Variants in PAPPA2 observed in about 807,000 individuals in gnomAD.
PAPPA2 encodes pappalysin 2, also known as pappalysin-2.
A neutral mutation model predicts 176.4 loss-of-function variants in PAPPA2; 86 were observed. That is an observed-to-expected ratio of 0.49 (90% CI 0.41 to 0.58). The LOEUF (loss-of-function observed/expected upper bound fraction) is 0.58, where lower values mean the gene tolerates loss of function less well. Among genes scored for constraint, PAPPA2 ranks in the 20% least tolerant of loss-of-function variants. The pLI is 0.00. For synonymous variants in PAPPA2, 809 were observed against 852.2 expected, an observed-to-expected ratio of 0.95 and a Z score of 0.88; for missense variants, 2,073 against 2,256.9, an observed-to-expected ratio of 0.92 and a Z score of 1.65.
chr1:176,600,436 G>C (rs868620211), intron 3 of PAPPA2, among the ~76,000 whole-genome samples: 12 of 152,016 alleles, frequency 7.9e-5, no homozygotes, highest in African/African-American at 2.9e-4. Flanking sequence ...CAGCACTTTG[G>C]GAGGCCGAGG....
chr1:176,610,028 T>C (rs1216907573), intron 3 of PAPPA2, among the ~76,000 whole-genome samples: 1 of 152,146 alleles, frequency 6.6e-6, no homozygotes, highest in Non-Finnish European at 1.5e-5. Context: ...GGATTCATCA[T>C]GAGGCAGAAA....
chr1:176,788,686 C>A (rs7516457), intron 17 of PAPPA2, among the ~76,000 whole-genome samples: 10,249 of 152,172 alleles, frequency 0.067, 473 homozygotes, highest in South Asian at 0.14. Flanking sequence ...CAAATGCTGT[C>A]ACTCTGGTTG....
chr1:176,709,948 A>G, intron 10 of PAPPA2, 35 bp from the exon 11 acceptor site: 1 of 1,546,086 alleles, frequency 6.5e-7, no homozygotes, highest in African/African-American at 1.4e-5. Flanking sequence ...ATTTATGAAA[A>G]CACTTTTTCT....
At chr1:176,742,031 CCTT>C (rs1414619614) in intron 14 of PAPPA2, among the ~76,000 whole-genome samples, 1 of 152,178 alleles carries the variant, frequency 6.6e-6, no homozygotes, top group African/African-American at 2.4e-5. Context: ...TCAAGATTCA[CCTT>C]CTGTGAAGTT....
intron 21 of PAPPA2, among the ~76,000 whole-genome samples, chr1:176,834,445 T>C (rs1667191980): frequency 6.6e-6 from 1 of 152,358 alleles, no homozygotes; most frequent in Middle Eastern, 3.4e-3. Context: ...ATTTCCTTTT[T>C]TCCGCACATG....
chr1:176,524,647 G>C (rs921356909), intron 1 of PAPPA2, among the ~76,000 whole-genome samples: 1 of 152,142 alleles, frequency 6.6e-6, no homozygotes, highest in Non-Finnish European at 1.5e-5. Flanking sequence ...GGGTAAAGAA[G>C]TTTTTTTCTA....
chr1:176,711,875 C>T lies in PAPPA2; in HGVS notation c.3692C>T (p.Pro1231Leu). Reference sequence around the variant, plus strand: ...CATCCAGATTTACCCAACCACCGTCCCCTAACTGGCTGGTTTCCCTGTGTT... The same window carrying T: ...CATCCAGATTTACCCAACCACCGTCTCCTAACTGGCTGGTTTCCCTGTGTT... ...SYHPDLPNHRPLTGWFPCVAS... is the reference protein window; with the variant it reads ...SYHPDLPNHRLLTGWFPCVAS... The change falls in exon 12 of 23, where the codon CCC (proline) becomes CTC (leucine). Residue 1231 changes from proline (P) to leucine (L), a missense_variant. Coordinates refer to ENST00000367662, the MANE Select transcript of PAPPA2 (RefSeq NM_020318.3). The T allele has an allele frequency of 6.2e-7, 1 of 1,612,558 alleles. No individual in the cohort carries two copies. The highest frequency in any genetic ancestry group is 8.5e-7 in the Non-Finnish European group (1 of 1,178,740).
chr1:176,495,766 A>T (rs2102499831), intron 1 of PAPPA2, among the ~76,000 whole-genome samples: 1 of 151,748 alleles, frequency 6.6e-6, no homozygotes, highest in African/African-American at 2.4e-5. Flanking sequence ...ATATCTTACC[A>T]GTTAGAAAAA....
intron 4 of PAPPA2, among the ~76,000 whole-genome samples, chr1:176,681,556 G>C (rs1210871955): frequency 6.6e-6 from 1 of 152,114 alleles, no homozygotes; most frequent in African/African-American, 2.4e-5. Flanking sequence ...TATGTAAAAT[G>C]GGGATAATAA....
chr1:176,521,260 G>A (rs1649203205), intron 1 of PAPPA2, among the ~76,000 whole-genome samples: 1 of 152,178 alleles, frequency 6.6e-6, no homozygotes, highest in Non-Finnish European at 1.5e-5. Context: ...ATGTAGCAGA[G>A]GTGATGCTAT....
chr1:176,613,999 T>C (rs898477588), intron 3 of PAPPA2, among the ~76,000 whole-genome samples: 14 of 152,184 alleles, frequency 9.2e-5, no homozygotes, highest in Admixed American at 6.5e-5. Flanking sequence ...TGCCCATGCT[T>C]CATTGCAATT....
intron 1 of PAPPA2, among the ~76,000 whole-genome samples, chr1:176,529,755 G>A (rs1306503081): frequency 6.6e-6 from 1 of 152,152 alleles, no homozygotes; most frequent in African/African-American, 2.4e-5. Context: ...TGGCAGCATG[G>A]TGATCCATCA....
chr1:176,819,378 G>C (rs533907468), intron 21 of PAPPA2, among the ~76,000 whole-genome samples: 1 of 152,210 alleles, frequency 6.6e-6, no homozygotes, highest in African/African-American at 2.4e-5. Context: ...GGGACTCTGG[G>C]GATGAGGAAG....
rs116117016 is a variant in PAPPA2, at chr1:176,799,409, C to T, written c.5131-652C>T. Among the ~76,000 whole-genome samples, 966 of 152,278 alleles carry T rather than the reference C, an allele frequency of 6.3e-3. 4 individuals are homozygous for T. The highest frequency in any genetic ancestry group is 0.01 in the Non-Finnish European group (691 of 68,018). ...ATCTCAAGATGAACGTAACTGCGCT[C>T]CCACCAGCTTGATGTTGGTGTCATT... On this transcript the variant is annotated intron_variant, in intron 20 of 22. Coordinates refer to ENST00000367662, the MANE Select transcript of PAPPA2 (RefSeq NM_020318.3).
At chr1:176,578,627 A>G (rs1478931950) in intron 2 of PAPPA2, among the ~76,000 whole-genome samples, 1 of 152,218 alleles carries the variant, frequency 6.6e-6, no homozygotes, top group Non-Finnish European at 1.5e-5. Flanking sequence ...AGCAACCTGC[A>G]ACAAGATCAC....
At chr1:176,479,431 A>G (rs1014741280) in intron 1 of PAPPA2, among the ~76,000 whole-genome samples, 9 of 152,168 alleles carry the variant, frequency 5.9e-5, no homozygotes, top group Admixed American at 1.3e-4. Context: ...AGTGAAGAAA[A>G]TTGTATAGCA....
At chr1:176,703,085 G>C (rs1660735262) in intron 9 of PAPPA2, among the ~76,000 whole-genome samples, 1 of 152,226 alleles carries the variant, frequency 6.6e-6, no homozygotes, top group African/African-American at 2.4e-5. Context: ...TTCAGGGAAG[G>C]AATTTATGCA....
intron 22 of PAPPA2, among the ~76,000 whole-genome samples, 162 bp from the exon 23 acceptor site, chr1:176,842,218 C>T (rs1667513780): frequency 6.6e-6 from 1 of 152,172 alleles, no homozygotes; most frequent in Non-Finnish European, 1.5e-5. Context: ...TACATGGTGA[C>T]ATGATGTGTG....
At chr1:176,607,190 A>G (rs1037218824) in intron 3 of PAPPA2, among the ~76,000 whole-genome samples, 1 of 152,146 alleles carries the variant, frequency 6.6e-6, no homozygotes, top group Non-Finnish European at 1.5e-5. Context: ...CACTTTGAGT[A>G]TTTATCATTG....
Sources: allele counts gnomAD v4.1 joint callset (sites outside exome capture counted in the v4.1 genomes callset), GRCh38; gene constraint gnomAD v4.1.1; transcripts MANE v1.5; gene names NCBI Gene and HGNC (gene_info 2026-07-23, HGNC 2026-07-21).